The following ABL1 variants were observed in gnomAD, a reference collection of about 807,000 sequenced individuals.
ABL1 encodes the protein ABL proto-oncogene 1, non-receptor tyrosine kinase, also known as tyrosine-protein kinase ABL1.
Under a neutral mutation model 94.7 loss-of-function variants are expected in ABL1, and 11 were observed. The ratio of observed to expected loss-of-function variants is 0.12; its 90% confidence interval spans 0.07 to 0.19. The LOEUF (loss-of-function observed/expected upper bound fraction) is 0.19. ABL1 is among the 10% of genes least tolerant of loss of function. The probability of loss-of-function intolerance (pLI) is 1.00; values close to 1 mark genes in which losing one functional copy is unlikely to be tolerated. For missense variants in ABL1, 1,082 were observed against 1,489.4 expected (o/e 0.73, Z 4.50); for synonymous variants, 656 against 622.4 (o/e 1.05, Z -0.80).
intron 1 of ABL1, among the ~76,000 whole-genome samples, chr9:130,845,404 C>T (rs1371017363): frequency 1.3e-5 from 2 of 151,728 alleles, no homozygotes; most frequent in African/African-American, 4.8e-5. Context: ...CGTGGTGATG[C>T]AATCTTGGCT....
At position 130,862,348 on chromosome 9, in the gene ABL1, G is replaced by C. The variant is rs1054715617; in HGVS notation, c.550-415G>C. 1.3e-5 allele frequency among the ~76,000 whole-genome samples: 2 copies of C among 152,196 alleles called. No individual in the cohort carries two copies. The highest frequency in any genetic ancestry group is 2.9e-5 in the Non-Finnish European group (2 of 68,024). ...TAAGCAGATAAACAGGAAATTATGAGCTAGTAGTGGGTCCATTGCTGAGAA... is the reference window on the plus strand; with the variant it reads ...TAAGCAGATAAACAGGAAATTATGACCTAGTAGTGGGTCCATTGCTGAGAA... On this transcript the variant is annotated intron_variant, in intron 3 of 10. Transcript: ENST00000318560. This position sits in a 1 kb window ranked among gnomAD's most constrained non-coding sequence, Gnocchi z 5.5.
At chr9:130,729,735 A>G (rs1831637201) in intron 1 of ABL1, among the ~76,000 whole-genome samples, 2 of 147,838 alleles carry the variant, frequency 1.4e-5, no homozygotes, top group Non-Finnish European at 3.0e-5. Flanking sequence ...TCAATTCTGC[A>G]TATTCTTTTT....
intron 1 of ABL1, among the ~76,000 whole-genome samples, chr9:130,741,205 T>C (rs949114221): frequency 1.3e-5 from 2 of 152,162 alleles, no homozygotes; most frequent in African/African-American, 4.8e-5. Flanking sequence ...TGCATTGTTA[T>C]GTGTGAGTGC....
chr9:130,867,389 C>A (rs1408927054), intron 4 of ABL1, among the ~76,000 whole-genome samples: 2 of 152,182 alleles, frequency 1.3e-5, no homozygotes, highest in Admixed American at 1.3e-4. Flanking sequence ...GGGCCTTTCT[C>A]TTATTTCCAA....
intron 4 of ABL1, among the ~76,000 whole-genome samples, chr9:130,869,958 G>A (rs1831226618): frequency 6.6e-6 from 1 of 152,154 alleles, no homozygotes; most frequent in African/African-American, 2.4e-5. Flanking sequence ...CTGAGTAGCT[G>A]GAACTACAGG....
intron 1 of ABL1, among the ~76,000 whole-genome samples, chr9:130,724,521 A>T (rs1340129949): frequency 1.3e-5 from 2 of 151,372 alleles, no homozygotes; most frequent in East Asian, 1.9e-4. Flanking sequence ...TAATCTTTGA[A>T]ATTCTTGGCT....
intron 1 of ABL1, among the ~76,000 whole-genome samples, chr9:130,759,892 A>C (rs1434429583): frequency 6.6e-6 from 1 of 151,964 alleles, no homozygotes; most frequent in African/African-American, 2.4e-5. Flanking sequence ...TCTTAGGCTC[A>C]AGTGATTGTC....
At chr9:130,765,566 A>G (rs573866643) in intron 1 of ABL1, among the ~76,000 whole-genome samples, 1 of 152,330 alleles carries the variant, frequency 6.6e-6, no homozygotes, top group East Asian at 1.9e-4. Flanking sequence ...GGTTTTTGAT[A>G]CATATTGCCA....
intron 3 of ABL1, 79 bp downstream of exon 3, chr9:130,855,175 T>C (rs993238632): frequency 6.8e-7 from 1 of 1,468,484 alleles, no homozygotes; most frequent in African/African-American, 1.4e-5. Context: ...TGATAAATTA[T>C]TGCAAGAAAG....
In ABL1 at chr9:130,862,673, A is replaced by G. The variant is rs1831092887; in HGVS notation, c.550-90A>G. On this transcript the variant is annotated intron_variant, in intron 3 of 10. Transcript: ENST00000318560. The surrounding 1 kb of genome is among the most constrained non-coding windows in gnomAD (Gnocchi z 5.5). Reference sequence around the variant, plus strand: ...CTCCTTATGTGAGATTTTGCTGTGTAGTGAATTAAGGCTCAGCCAAACTGG... The same window carrying G: ...CTCCTTATGTGAGATTTTGCTGTGTGGTGAATTAAGGCTCAGCCAAACTGG... The G allele has an allele frequency of 7.0e-7, 1 of 1,429,878 alleles. No individual in the cohort carries two copies. The highest frequency in any genetic ancestry group is 2.3e-5 in the East Asian group (1 of 42,558). 88.6% of individuals were successfully genotyped at this position (1,429,878 alleles called of 1,614,324 possible).
chr9:130,793,741 C>T (rs1177715428), intron 1 of ABL1, among the ~76,000 whole-genome samples: 1 of 152,146 alleles, frequency 6.6e-6, no homozygotes, highest in Non-Finnish European at 1.5e-5. Context: ...CTGTTAGGAA[C>T]CAGGCCGTAT....
At chr9:130,764,006 C>T (rs759736926) in intron 1 of ABL1, among the ~76,000 whole-genome samples, 4 of 152,104 alleles carry the variant, frequency 2.6e-5, no homozygotes, top group Non-Finnish European at 5.9e-5. Context: ...AAGAGGCTTC[C>T]CAGAGGAGAC....
intron 1 of ABL1, among the ~76,000 whole-genome samples, chr9:130,757,661 C>T (rs1442285182): frequency 4.7e-5 from 7 of 150,364 alleles, no homozygotes; most frequent in South Asian, 2.1e-4. Flanking sequence ...GCCTCAGCCT[C>T]CCGAGTAGCT....
Position 130,880,491 on chromosome 9 carries a change from G to A in ABL1, c.1514-9G>A. The A allele has an allele frequency of 6.2e-7, 1 of 1,613,746 alleles. No individual in the cohort carries two copies. Among genetic ancestry groups the A allele is most frequent in the Non-Finnish European group, 8.5e-7 (1 of 1,179,836 alleles). On this transcript the variant is annotated splice_polypyrimidine_tract_variant and intron_variant, in intron 9 of 10. Coordinates refer to ENST00000318560, the MANE Select transcript of ABL1 (RefSeq NM_005157.6). The surrounding 1 kb of genome is among the most constrained non-coding windows in gnomAD (Gnocchi z 4.4). Reference sequence around the variant, plus strand: ...TGGATTTTTGTTTCTGTCCCTGTATGATTCTTAGAAGTGGAAAAGGAGCTG... The same window carrying A: ...TGGATTTTTGTTTCTGTCCCTGTATAATTCTTAGAAGTGGAAAAGGAGCTG...
At chr9:130,769,330 T>C (rs1426161073) in intron 1 of ABL1, among the ~76,000 whole-genome samples, 1 of 60,770 alleles carries the variant, frequency 1.6e-5, no homozygotes, top group Non-Finnish European at 3.8e-5. Flanking sequence ...GGCCCTAGTC[T>C]TTTTTTTTTT....
intron 1 of ABL1, among the ~76,000 whole-genome samples, chr9:130,782,072 T>TG (rs1477840701): frequency 6.6e-6 from 1 of 151,936 alleles, no homozygotes; most frequent in African/African-American, 2.4e-5. Flanking sequence ...CTTTTTCTTT[T>TG]TTTTTTGAGA....
chr9:130,851,107 G>T (rs973156217), intron 1 of ABL1, among the ~76,000 whole-genome samples: 3 of 152,000 alleles, frequency 2.0e-5, no homozygotes, highest in Admixed American at 6.5e-5. Flanking sequence ...TGTATTTTTA[G>T]TAGAGACGGG....
upstream of ABL1, among the ~76,000 whole-genome samples, chr9:130,832,779 T>C (rs1433526285): frequency 6.6e-6 from 1 of 152,212 alleles, no homozygotes. Flanking sequence ...AAGGAATCCT[T>C]CTTGGGGTGT....
chr9:130,880,766 A>G lies in ABL1; in HGVS notation c.1678+102A>G. On this transcript the variant is annotated intron_variant, in intron 10 of 10. Coordinates refer to ENST00000318560, the MANE Select transcript of ABL1 (RefSeq NM_005157.6). The surrounding 1 kb of genome is among the most constrained non-coding windows in gnomAD (Gnocchi z 4.4). ...ACGGGAAGCTGTGAATGGAGCCCGC[A>G]CAGAAGGGCAGCCATGGCCTTTGTC... 1.5e-6 allele frequency: 2 copies of G among 1,378,890 alleles called. No individual in the cohort carries two copies. Among genetic ancestry groups the G allele is most frequent in the South Asian group, 1.4e-5 (1 of 71,418 alleles). 85.4% of individuals were successfully genotyped at this position (1,378,890 alleles called of 1,614,324 possible).
Sources: allele counts gnomAD v4.1 joint callset (sites outside exome capture counted in the v4.1 genomes callset), GRCh38; gene constraint gnomAD v4.1.1; non-coding constraint Gnocchi (gnomAD v3.1); transcripts MANE v1.5; gene names NCBI Gene and HGNC (gene_info 2026-07-23, HGNC 2026-07-21).